Variants in PTPRD observed in about 807,000 individuals in gnomAD.
PTPRD encodes the protein receptor-type tyrosine-protein phosphatase delta.
Under a neutral mutation model 214.5 loss-of-function variants are expected in PTPRD, and 34 were observed. The ratio of observed to expected loss-of-function variants is 0.16; its 90% confidence interval spans 0.12 to 0.21. The LOEUF (loss-of-function observed/expected upper bound fraction) is 0.21, where lower values mean the gene tolerates loss of function less well. Among genes scored for constraint, PTPRD ranks in the 10% least tolerant of loss-of-function variants. The pLI, the probability that PTPRD is intolerant of heterozygous loss-of-function variation, is 1.00. For missense variants in PTPRD, 2,545 were observed against 2,398.7 expected, an observed-to-expected ratio of 1.06 and a Z score of -1.27; for synonymous variants, 1,128 against 845.7, an observed-to-expected ratio of 1.33 and a Z score of -5.79.
Position 8,636,934 on chromosome 9 carries a change from C to G in PTPRD, c.65-90G>C, listed in dbSNP as rs1203706141. On this transcript the variant is annotated intron_variant, in intron 12 of 45. Coordinates refer to ENST00000381196, the MANE Select transcript of PTPRD (RefSeq NM_002839.4). The stretch of plus-strand genomic sequence containing the variant: ...CGCTGCTCTCCCCACCATCCTCAAC[C>G]ACACCGCCATCAAGACATACATTTT... The G allele has an allele frequency of 2.3e-6, 3 of 1,280,912 alleles. No homozygotes were observed. The African/African-American group carries it at 4.5e-5, about 19-fold the overall frequency. 79.3% of individuals were successfully genotyped at this position (1,280,912 alleles called of 1,614,324 possible).
intron 2 of PTPRD, among the ~76,000 whole-genome samples, chr9:10,351,719 C>G (rs1175980678): frequency 2.0e-5 from 3 of 148,150 alleles, no homozygotes; most frequent in Non-Finnish European, 4.5e-5. Context: ...CACATTTGCA[C>G]TAGAAAAAAA....
At chr9:9,168,363 C>T (rs948819893) in intron 10 of PTPRD, among the ~76,000 whole-genome samples, 4 of 152,028 alleles carry the variant, frequency 2.6e-5, no homozygotes, top group South Asian at 2.1e-4. Flanking sequence ...GCCTTTTTAA[C>T]CTTGTTTCAT....
chr9:10,473,691 A>G (rs780349618), intron 2 of PTPRD, among the ~76,000 whole-genome samples: 31 of 152,130 alleles, frequency 2.0e-4, no homozygotes, highest in Non-Finnish European at 3.4e-4. Context: ...CCTTCCAAAC[A>G]GAAATAAATA....
At chr9:10,052,464 C>T (rs1182925772) in intron 3 of PTPRD, among the ~76,000 whole-genome samples, 1 of 151,676 alleles carries the variant, frequency 6.6e-6, no homozygotes, top group South Asian at 2.1e-4. Context: ...GAGAAACCTG[C>T]CTTTAAGGTA....
At chr9:10,608,942 C>T (rs1168807538) in intron 2 of PTPRD, among the ~76,000 whole-genome samples, 2 of 151,978 alleles carry the variant, frequency 1.3e-5, no homozygotes. Flanking sequence ...AGTGAACCGA[C>T]AGTAGTGGTA....
At chr9:9,429,867 A>C (rs919643046) in intron 8 of PTPRD, among the ~76,000 whole-genome samples, 1 of 152,032 alleles carries the variant, frequency 6.6e-6, no homozygotes. Flanking sequence ...CATGCTAAAA[A>C]CTCTCAATAA....
chr9:9,228,545 T>C (rs1051239185), intron 9 of PTPRD, among the ~76,000 whole-genome samples: 1 of 152,100 alleles, frequency 6.6e-6, no homozygotes, highest in Non-Finnish European at 1.5e-5. Flanking sequence ...TATCTTTTTT[T>C]TCTCATATGG....
chr9:8,610,618 A>G (rs1373552295), intron 14 of PTPRD, among the ~76,000 whole-genome samples: 5 of 152,210 alleles, frequency 3.3e-5, no homozygotes, highest in Non-Finnish European at 5.9e-5. Flanking sequence ...CATGCTAAGC[A>G]CCACAGACTG....
At chr9:9,944,596 A>G (rs2153976989) in intron 4 of PTPRD, among the ~76,000 whole-genome samples, 1 of 152,248 alleles carries the variant, frequency 6.6e-6, no homozygotes, top group East Asian at 1.9e-4. Context: ...GGAGTCAGGC[A>G]TGTGTATAAC....
chr9:9,058,733 G>A (rs1413875625), intron 10 of PTPRD, among the ~76,000 whole-genome samples: 1 of 151,976 alleles, frequency 6.6e-6, no homozygotes, highest in Non-Finnish European at 1.5e-5. Context: ...ACAGGCGTGA[G>A]CCACCGCGCC....
At chr9:10,281,333 G>A (rs767288145) in intron 3 of PTPRD, among the ~76,000 whole-genome samples, 1 of 147,370 alleles carries the variant, frequency 6.8e-6, no homozygotes, top group Non-Finnish European at 1.5e-5. Flanking sequence ...GCTACATATT[G>A]AAATCATGAT....
chr9:9,213,017 A>G (rs529622998), intron 9 of PTPRD, among the ~76,000 whole-genome samples: 1 of 152,274 alleles, frequency 6.6e-6, no homozygotes, highest in East Asian at 1.9e-4. Flanking sequence ...GGTCAGGTTA[A>G]GAGTAAGATG....
At chr9:9,499,319 G>T (rs536829232) in intron 8 of PTPRD, among the ~76,000 whole-genome samples, 143 of 152,144 alleles carry the variant, frequency 9.4e-4, no homozygotes, top group African/African-American at 3.3e-3. Flanking sequence ...TCATGGCAGG[G>T]AAAGATCATG....
At chr9:9,898,259 AG>A (rs1381577991) in intron 5 of PTPRD, among the ~76,000 whole-genome samples, 1 of 152,126 alleles carries the variant, frequency 6.6e-6, no homozygotes, top group Non-Finnish European at 1.5e-5. Context: ...AAATGAAAAA[AG>A]TAACCATTTC....
At chr9:10,479,658 T>TAAATAAATAAATAAATAAATAAACAAAC (rs141946645) in intron 2 of PTPRD, among the ~76,000 whole-genome samples, 23 of 145,916 alleles carry the variant, frequency 1.6e-4, no homozygotes, top group East Asian at 1.4e-3. Context: ...AATAAATAAA[T>TAAATAAATAAATAAATAAATAAACAAAC]AAACAAAAAT....
chr9:9,935,903 G>A (rs2089169735), intron 5 of PTPRD, among the ~76,000 whole-genome samples: 1 of 150,342 alleles, frequency 6.7e-6, no homozygotes, highest in South Asian at 2.1e-4. Context: ...GAACAGAACA[G>A]AGCCCTCAGA....
At chr9:10,559,376 C>T (rs2063337449) in intron 2 of PTPRD, among the ~76,000 whole-genome samples, 1 of 152,112 alleles carries the variant, frequency 6.6e-6, no homozygotes, top group Non-Finnish European at 1.5e-5. Context: ...ATTAAAATTT[C>T]AGTTCTTCCA....
chr9:8,963,443 G>GA (rs981082849), intron 11 of PTPRD, among the ~76,000 whole-genome samples: 2 of 151,972 alleles, frequency 1.3e-5, no homozygotes, highest in African/African-American at 2.4e-5. Flanking sequence ...ATATTTCACA[G>GA]AAAAAAACAT....
At chr9:10,267,599 T>C (rs2094153911) in intron 3 of PTPRD, among the ~76,000 whole-genome samples, 1 of 152,234 alleles carries the variant, frequency 6.6e-6, no homozygotes, top group Non-Finnish European at 1.5e-5. Context: ...TAACTAGAGT[T>C]TATTTTTGGA....
Sources: allele counts gnomAD v4.1 joint callset (sites outside exome capture counted in the v4.1 genomes callset), GRCh38; gene constraint gnomAD v4.1.1; transcripts MANE v1.5; gene names NCBI Gene and HGNC (gene_info 2026-07-23, HGNC 2026-07-21).